SERINC5: variants seen among roughly 807,000 people sequenced by gnomAD.
The protein encoded by SERINC5 is serine incorporator 5.
Under a neutral mutation model 63.1 loss-of-function variants are expected in SERINC5, and 41 were observed. That is an observed-to-expected ratio of 0.65 (90% CI 0.51 to 0.84). SERINC5 has a LOEUF of 0.84. Ranked by LOEUF, SERINC5 falls within the 40% of genes least tolerant of loss-of-function variation. SERINC5 has a pLI of 0.00. For missense variants in SERINC5, 523 were observed against 573.0 expected (o/e 0.91, Z 0.89); for synonymous variants, 222 against 215.2 (o/e 1.03, Z -0.28).
intron 1 of SERINC5, among the ~76,000 whole-genome samples, chr5:80,254,252 C>T (rs1752548555): frequency 6.6e-6 from 1 of 152,144 alleles, no homozygotes; most frequent in Admixed American, 6.5e-5. Context: ...CTTCCTACCG[C>T]CCCATCCACA....
chr5:80,248,287 T>G (rs1752246459), intron 1 of SERINC5, among the ~76,000 whole-genome samples: 1 of 152,090 alleles, frequency 6.6e-6, no homozygotes, highest in Admixed American at 6.6e-5. Flanking sequence ...CAAATATAGG[T>G]GACTTGAACG....
intron 7 of SERINC5, among the ~76,000 whole-genome samples, chr5:80,164,032 A>C (rs984558710): frequency 1.3e-5 from 2 of 152,168 alleles, no homozygotes; most frequent in African/African-American, 4.8e-5. Flanking sequence ...TTTTTAAATC[A>C]CTGATTCAAT....
chr5:80,174,369 AAATAAT>A lies in SERINC5; in HGVS notation c.551+579_551+584del, dbSNP rs55865818. Among the ~76,000 whole-genome samples, 1,226 of 131,688 alleles carry A rather than the reference AAATAAT, an allele frequency of 9.3e-3. 25 individuals carry two copies. The highest frequency in any genetic ancestry group is 0.033 in the African/African-American group (1,136 of 34,888). 86.4% of individuals were successfully genotyped at this position (131,688 alleles called of 152,430 possible). A position where few individuals can be genotyped will look rare whatever the true frequency, so the allele number is the denominator to read the frequency against. Reference sequence around the variant, plus strand: ...ATGACAAAGTGGGATCCCATCTCAAAAATAATAATAATAATAATAATAATAATAATA... The same window carrying A: ...ATGACAAAGTGGGATCCCATCTCAAAAATAATAATAATAATAATAATAATA... On this transcript the variant is annotated intron_variant, in intron 5 of 11. Coordinates refer to ENST00000507668, the MANE Select transcript of SERINC5 (RefSeq NM_001174072.3).
chr5:80,200,941 T>C (rs1235189202), intron 2 of SERINC5, among the ~76,000 whole-genome samples: 5 of 150,664 alleles, frequency 3.3e-5, no homozygotes, highest in African/African-American at 1.2e-4. Flanking sequence ...TAAAGAAAGA[T>C]ACGAAAATTT....
chr5:80,223,322 C>T (rs1274036940), intron 1 of SERINC5, among the ~76,000 whole-genome samples: 2 of 152,188 alleles, frequency 1.3e-5, no homozygotes, highest in African/African-American at 4.8e-5. Flanking sequence ...CTATGCATAT[C>T]CTCCTATATA....
chr5:80,210,108 T>C (rs1056922436), intron 1 of SERINC5, among the ~76,000 whole-genome samples: 3 of 152,094 alleles, frequency 2.0e-5, no homozygotes, highest in Non-Finnish European at 4.4e-5. Context: ...ATAAAAGCAT[T>C]TGCAAATGTG....
intron 11 of SERINC5, among the ~76,000 whole-genome samples, chr5:80,126,588 C>G (rs73125913): frequency 0.015 from 2,358 of 152,280 alleles, 47 homozygotes; most frequent in African/African-American, 0.054. Flanking sequence ...AAATCTCCAA[C>G]ATACATTTTC....
chr5:80,151,323 C>T (rs904373699), intron 8 of SERINC5, among the ~76,000 whole-genome samples: 3 of 152,182 alleles, frequency 2.0e-5, no homozygotes, highest in Non-Finnish European at 4.4e-5. Flanking sequence ...TCAAAAGCAA[C>T]GAGCCCAGAG....
intron 2 of SERINC5, among the ~76,000 whole-genome samples, chr5:80,190,887 TGGTGCCCAGCAGCTGGGGAACTAG>T (rs910403172): frequency 6.6e-6 from 1 of 152,204 alleles, no homozygotes; most frequent in Non-Finnish European, 1.5e-5. Flanking sequence ...AATTGAATGA[TGGTGCCCAGCAGCTGGGGAACTAG>T]GGTGCCCAGA....
At chr5:80,210,617 G>A (rs1053044603) in intron 1 of SERINC5, among the ~76,000 whole-genome samples, 10 of 151,892 alleles carry the variant, frequency 6.6e-5, no homozygotes, top group African/African-American at 2.2e-4. Flanking sequence ...TTACAAAATC[G>A]GCATGCACAC....
At chr5:80,174,699 C>T (rs1406040358) in intron 5 of SERINC5, among the ~76,000 whole-genome samples, 1 of 151,900 alleles carries the variant, frequency 6.6e-6, no homozygotes, top group Admixed American at 6.6e-5. Flanking sequence ...GTCAGGAGAT[C>T]GAGACCCGTA....
At chr5:80,255,542 A>C (rs372686493) in intron 1 of SERINC5, among the ~76,000 whole-genome samples, 1 of 152,154 alleles carries the variant, frequency 6.6e-6, no homozygotes, top group East Asian at 1.9e-4. Context: ...AGCAGAGTGG[A>C]GAGGGCTACG....
intron 11 of SERINC5, among the ~76,000 whole-genome samples, chr5:80,124,624 G>A (rs1744673371): frequency 6.6e-6 from 1 of 152,172 alleles, no homozygotes; most frequent in Admixed American, 6.5e-5. Flanking sequence ...CCGGAGTCTG[G>A]AAAAGCAATC....
chr5:80,249,220 C>T (rs1400409472), intron 1 of SERINC5, among the ~76,000 whole-genome samples: 1 of 151,760 alleles, frequency 6.6e-6, no homozygotes, highest in Non-Finnish European at 1.5e-5. Context: ...GAGGCTGAGG[C>T]GGGAGAATGG....
intron 5 of SERINC5, 79 bp downstream of exon 5, chr5:80,174,875 C>A: frequency 1.1e-6 from 1 of 885,218 alleles, no homozygotes; most frequent in South Asian, 1.7e-5. Context: ...AAATCCCTAG[C>A]AATGCAGTTG....
chr5:80,153,830 C>T (rs1042100082), intron 8 of SERINC5, among the ~76,000 whole-genome samples: 3 of 152,048 alleles, frequency 2.0e-5, no homozygotes, highest in Admixed American at 6.6e-5. Flanking sequence ...AAAGAAAAGC[C>T]GTGTCCTGTT....
At chr5:80,195,874 T>C (rs1749466718) in intron 2 of SERINC5, among the ~76,000 whole-genome samples, 1 of 152,218 alleles carries the variant, frequency 6.6e-6, no homozygotes, top group South Asian at 2.1e-4. Flanking sequence ...AATTTAGAAA[T>C]AGGGTATCAT....
rs904253263 is a variant in SERINC5, at chr5:80,141,079, AGTATT to A, written c.*2579_*2583del. On this transcript the variant is annotated 3_prime_UTR_variant, in exon 12 of 12. Transcript: ENST00000507668. ...TCCAGGAATGTTGACTCCTCACCTG[AGTATT>A]GTATATCACAATTAATAACCATTAA... 3.0e-6 allele frequency: 3 copies of A among 985,302 alleles called. No homozygotes were observed. Among genetic ancestry groups the A allele is most frequent in the African/African-American group, 1.7e-5 (1 of 57,250 alleles). The allele number at this position is 985,302 out of a possible 1,614,324, so 61.0% of individuals were successfully genotyped here.
At chr5:80,252,193 C>G (rs955239714) in intron 1 of SERINC5, among the ~76,000 whole-genome samples, 2 of 151,482 alleles carry the variant, frequency 1.3e-5, no homozygotes, top group African/African-American at 4.9e-5. Context: ...TCCCAAGTAG[C>G]TGGGAATACA....
Sources: allele counts gnomAD v4.1 joint callset (sites outside exome capture counted in the v4.1 genomes callset), GRCh38; gene constraint gnomAD v4.1.1; transcripts MANE v1.5; gene names NCBI Gene and HGNC (gene_info 2026-07-23, HGNC 2026-07-21).